The following MAP2K5 variants were observed in gnomAD, a reference collection of about 807,000 sequenced individuals.
MAP2K5 encodes mitogen-activated protein kinase kinase 5, also known as dual specificity mitogen-activated protein kinase kinase 5.
A neutral mutation model predicts 83.1 loss-of-function variants in MAP2K5; 49 were observed. The ratio of observed to expected loss-of-function variants is 0.59; its 90% CI spans 0.47 to 0.75. The LOEUF is 0.75. Ranked by LOEUF, MAP2K5 falls within the 30% of genes least tolerant of loss-of-function variation. MAP2K5 has a pLI of 0.00. For synonymous variants in MAP2K5, 202 were observed against 191.8 expected (o/e 1.05, Z -0.44); for missense variants, 457 against 557.5 (o/e 0.82, Z 1.82).
At chr15:67,614,495 C>T (rs114105873) in intron 8 of MAP2K5, among the ~76,000 whole-genome samples, 2,549 of 152,272 alleles carry the variant, frequency 0.017, 80 homozygotes, top group African/African-American at 0.058. Context: ...TTTTCCCCCA[C>T]ATATATTGCC....
In MAP2K5 at chr15:67,558,865, T is replaced by G. The variant is rs189539481; in HGVS notation, c.185-4418T>G. 3.7e-3 allele frequency among the ~76,000 whole-genome samples: 567 copies of G among 152,318 alleles called. 3 individuals carry two copies. The highest frequency in any genetic ancestry group is 6.8e-3 in the Middle Eastern group (2 of 294). ...TCCATGAAGGCAGGATTTTGTTTGT[T>G]TTTTCTTTTTTCACTGTTACTGTCC... is the stretch of plus-strand genomic sequence containing the variant. On this transcript the variant is annotated intron_variant, in intron 2 of 21. Coordinates refer to ENST00000178640, the MANE Select transcript of MAP2K5 (RefSeq NM_145160.3).
Position 67,719,547 on chromosome 15 carries a change from A to G in MAP2K5, c.1045-8369A>G, listed in dbSNP as rs1447834498. 6.6e-6 allele frequency among the ~76,000 whole-genome samples: 1 copy of G among 152,248 alleles called. No homozygotes were observed. The highest frequency in any genetic ancestry group is 2.4e-5 in the African/African-American group (1 of 41,470). On this transcript the variant is annotated intron_variant, in intron 16 of 21. Transcript: ENST00000178640. This position sits in a 1 kb window ranked among gnomAD's most constrained non-coding sequence, Gnocchi z 4.6. ...AAGATGTAGAACACTGGGAACTGTC[A>G]CCAGGAAGGATGTGATACACACTGC...
intron 13 of MAP2K5, among the ~76,000 whole-genome samples, chr15:67,667,031 T>C (rs999069257): frequency 6.6e-6 from 1 of 152,226 alleles, no homozygotes; most frequent in Non-Finnish European, 1.5e-5. Context: ...TTTTACCTTC[T>C]GGACTTAAAA....
Position 67,640,104 on chromosome 15 carries a change from T to A in MAP2K5, c.586-6127T>A, listed in dbSNP as rs1596703153. 1.3e-5 allele frequency among the ~76,000 whole-genome samples: 2 copies of A among 152,226 alleles called. No homozygotes were observed. Among genetic ancestry groups the A allele is most frequent in the Non-Finnish European group, 2.9e-5 (2 of 68,030 alleles). ...GAAAACTCTGTAAGTGGGGAACAGA[T>A]CTTATTTATCTTCTTGCCTTACTCC... is the stretch of plus-strand genomic sequence containing the variant. On this transcript the variant is annotated intron_variant, in intron 9 of 21. Coordinates refer to ENST00000178640, the MANE Select transcript of MAP2K5 (RefSeq NM_145160.3). This position sits in a 1 kb window ranked among gnomAD's most constrained non-coding sequence, Gnocchi z 4.6.
rs150182570 is a variant in MAP2K5, at chr15:67,750,093, A to G, written c.1134+1492A>G. Among the ~76,000 whole-genome samples the G allele has an allele frequency of 1.3e-5, 2 of 152,372 alleles. No individual in the cohort carries two copies. Among genetic ancestry groups the G allele is most frequent in the South Asian group, 2.1e-4 (1 of 4,830 alleles). ...CAGTTATTGCTGTTCAATTTAAAAT[A>G]TCTTACTTGTTTAATTTGGGCAAAA... On this transcript the variant is annotated intron_variant, in intron 19 of 21. Coordinates refer to ENST00000178640, the MANE Select transcript of MAP2K5 (RefSeq NM_145160.3). This position sits in a 1 kb window ranked among gnomAD's most constrained non-coding sequence, Gnocchi z 4.2.
intron 13 of MAP2K5, among the ~76,000 whole-genome samples, chr15:67,666,848 G>A (rs1373116161): frequency 6.6e-6 from 1 of 152,188 alleles, no homozygotes; most frequent in African/African-American, 2.4e-5. Context: ...TTCAGTGAAT[G>A]AGTGTGCACC....
intron 9 of MAP2K5, among the ~76,000 whole-genome samples, chr15:67,645,045 G>A (rs2086799744): frequency 6.6e-6 from 1 of 152,058 alleles, no homozygotes; most frequent in Non-Finnish European, 1.5e-5. Context: ...CTACTCAGGA[G>A]GCTGAGACAC....
chr15:67,595,696 T>C (rs1375194711), intron 7 of MAP2K5, among the ~76,000 whole-genome samples: 7 of 152,222 alleles, frequency 4.6e-5, no homozygotes, highest in Admixed American at 4.6e-4. Flanking sequence ...TTTCCTGTTA[T>C]CACTTTATGT....
chr15:67,593,966 A>G (rs746409299), intron 7 of MAP2K5, among the ~76,000 whole-genome samples: 1 of 152,182 alleles, frequency 6.6e-6, no homozygotes, highest in Non-Finnish European at 1.5e-5. Flanking sequence ...CACCTGTAAC[A>G]TTGTGGCCTA....
In MAP2K5 at chr15:67,758,050, C is replaced by T. The variant is rs2089874814; in HGVS notation, c.1134+9449C>T. The stretch of plus-strand genomic sequence containing the variant: ...GGCCACATTTTGAAGGATCTTTATA[C>T]CCCATGCTTAGAGGTATTTGTAGGG... On this transcript the variant is annotated intron_variant, in intron 19 of 21. Transcript: ENST00000178640. This position sits in a 1 kb window ranked among gnomAD's most constrained non-coding sequence, Gnocchi z 4.7. Among the ~76,000 whole-genome samples the T allele has an allele frequency of 6.6e-6, 1 of 152,074 alleles. No individual in the cohort carries two copies. Among genetic ancestry groups the T allele is most frequent in the Admixed American group, 6.5e-5 (1 of 15,268 alleles).
At chr15:67,692,824 G>T (rs2088149946) in intron 14 of MAP2K5, among the ~76,000 whole-genome samples, 1 of 152,200 alleles carries the variant, frequency 6.6e-6, no homozygotes, top group South Asian at 2.1e-4. Context: ...GCTTTGATAT[G>T]AAAGCGTTTT....
intron 19 of MAP2K5, among the ~76,000 whole-genome samples, chr15:67,753,886 G>T (rs971714980): frequency 2.0e-5 from 3 of 152,154 alleles, no homozygotes; most frequent in Non-Finnish European, 4.4e-5. Context: ...ACATATGTCC[G>T]CATAAAAACT....
At chr15:67,570,101 C>G (rs1413695451) in intron 3 of MAP2K5, among the ~76,000 whole-genome samples, 1 of 152,204 alleles carries the variant, frequency 6.6e-6, no homozygotes, top group East Asian at 1.9e-4. Flanking sequence ...TTGCTGAATA[C>G]AAATTTAAAC....
In MAP2K5 at chr15:67,682,308, C is replaced by G. The variant is rs944418564; in HGVS notation, c.848-10171C>G. On this transcript the variant is annotated intron_variant, in intron 13 of 21. Coordinates refer to ENST00000178640, the MANE Select transcript of MAP2K5 (RefSeq NM_145160.3). ...CTCAGCTCACTGCAACCTCCGCCTC[C>G]TGGGTTCAAGCGATTCTCCTGCCTC... is the stretch of plus-strand genomic sequence containing the variant. Among the ~76,000 whole-genome samples, 3 of 151,884 alleles carry G rather than the reference C, an allele frequency of 2.0e-5. No homozygotes were observed. The South Asian group carries it at 6.2e-4, about 32-fold the overall frequency.
intron 7 of MAP2K5, among the ~76,000 whole-genome samples, chr15:67,593,757 A>C (rs1205991105): frequency 6.6e-6 from 1 of 152,206 alleles, no homozygotes; most frequent in Admixed American, 6.5e-5. Flanking sequence ...CTGCAAATAA[A>C]AGACTCTTAT....
At chr15:67,549,266 T>C in intron 1 of MAP2K5, 1 of 1,391,630 alleles carries the variant, frequency 7.2e-7, no homozygotes, top group Non-Finnish European at 9.8e-7. Flanking sequence ...TCATGTGTTT[T>C]CAACTTTATA....
chr15:67,561,174 T>C lies in MAP2K5; in HGVS notation c.185-2109T>C, dbSNP rs562276631. 1.3e-5 allele frequency among the ~76,000 whole-genome samples: 2 copies of C among 152,354 alleles called. No homozygotes were observed. The highest frequency in any genetic ancestry group is 2.4e-5 in the African/African-American group (1 of 41,584). On this transcript the variant is annotated intron_variant, in intron 2 of 21. Transcript: ENST00000178640. This position sits in a 1 kb window ranked among gnomAD's most constrained non-coding sequence, Gnocchi z 4.2. ...AAAGAACAAATCAGTTTAGCCTACA[T>C]TTAAAGAGAATTTGACCTGGTTTTA...
At position 67,552,350 on chromosome 15, in the gene MAP2K5, C is replaced by A. The variant is rs957145789; in HGVS notation, c.184+2268C>A. Among the ~76,000 whole-genome samples the A allele has an allele frequency of 1.3e-5, 2 of 152,142 alleles. No individual in the cohort carries two copies. The highest frequency in any genetic ancestry group is 2.9e-5 in the Non-Finnish European group (2 of 68,032). On this transcript the variant is annotated intron_variant, in intron 2 of 21. Transcript: ENST00000178640. The surrounding 1 kb of genome is among the most constrained non-coding windows in gnomAD (Gnocchi z 4.2). ...CATGGACAGTCTGATAGTTAACATT[C>A]GGAGTACTTACTGTTGACAGATGCT... is the stretch of plus-strand genomic sequence containing the variant.
chr15:67,670,715 C>A (rs1373889953), intron 13 of MAP2K5, among the ~76,000 whole-genome samples: 1 of 151,398 alleles, frequency 6.6e-6, no homozygotes, highest in Non-Finnish European at 1.5e-5. Flanking sequence ...GCCAGCCAAC[C>A]CCCCCACCCC....
Sources: allele counts gnomAD v4.1 joint callset (sites outside exome capture counted in the v4.1 genomes callset), GRCh38; gene constraint gnomAD v4.1.1; non-coding constraint Gnocchi (gnomAD v3.1); transcripts MANE v1.5; gene names NCBI Gene and HGNC (gene_info 2026-07-23, HGNC 2026-07-21).